The following CDH10 variants were observed in gnomAD, a reference collection of about 807,000 sequenced individuals.
CDH10 encodes the protein cadherin 10, also known as cadherin-10.
Under a neutral mutation model 73.1 loss-of-function variants are expected in CDH10, and 30 were observed. The observed-to-expected ratio is 0.41, with a 90% CI of 0.31 to 0.56. The LOEUF is 0.56. CDH10 is among the 20% of genes least tolerant of loss of function. The pLI is 0.27. For missense variants in CDH10, 815 were observed against 973.7 expected (o/e 0.84, Z 2.17); for synonymous variants, 345 against 348.2 (o/e 0.99, Z 0.10).
chr5:24,644,897 T>C lies in CDH10; in HGVS notation c.-427A>G, dbSNP rs890778769. 6.6e-6 allele frequency: 1 copy of C among 151,380 alleles called. No homozygotes were observed. The highest frequency in any genetic ancestry group is 1.5e-5 in the Non-Finnish European group (1 of 67,978). The allele number at this position is 151,380 out of a possible 1,614,324, so 9.4% of individuals were successfully genotyped here. ...CCTCACACGGAGAGAAAGGTTCTGC[T>C]GATAGAGCTGCAGCACTCGCCATGG... On this transcript the variant is annotated 5_prime_UTR_variant, in exon 1 of 12. Coordinates refer to ENST00000264463, the MANE Select transcript of CDH10 (RefSeq NM_006727.5).
intron 2 of CDH10, among the ~76,000 whole-genome samples, chr5:24,567,825 TTA>T (rs1312407683): frequency 1.3e-5 from 2 of 152,062 alleles, no homozygotes; most frequent in African/African-American, 4.8e-5. Flanking sequence ...ATAAGGACAT[TTA>T]GAGAGAAAAT....
In CDH10 at chr5:24,620,522, G is replaced by A. The variant is rs181973498; in HGVS notation, c.-124+24072C>T. 4.4e-3 allele frequency among the ~76,000 whole-genome samples: 671 copies of A among 152,258 alleles called. 2 individuals carry two copies. Among genetic ancestry groups the A allele is most frequent in the South Asian group, 9.3e-3 (45 of 4,818 alleles). On this transcript the variant is annotated intron_variant, in intron 1 of 11. Transcript: ENST00000264463. ...AAAATCTGGTTATTGAATAAAGAGAGATCTCTGAAAGTGAAAACAGACCTA... is the reference window on the plus strand; with the variant it reads ...AAAATCTGGTTATTGAATAAAGAGAAATCTCTGAAAGTGAAAACAGACCTA...
chr5:24,635,809 A>C (rs771044934), intron 1 of CDH10, among the ~76,000 whole-genome samples: 1 of 151,894 alleles, frequency 6.6e-6, no homozygotes, highest in Non-Finnish European at 1.5e-5. Flanking sequence ...TTCCAATTAT[A>C]ATAATAGATA....
At chr5:24,496,379 C>T (rs1302766750) in intron 9 of CDH10, among the ~76,000 whole-genome samples, 1 of 152,074 alleles carries the variant, frequency 6.6e-6, no homozygotes, top group Non-Finnish European at 1.5e-5. Context: ...AGCCCTCTGT[C>T]CTGTCTTTTG....
chr5:24,552,110 C>CA (rs1744567332), intron 2 of CDH10, among the ~76,000 whole-genome samples: 1 of 152,032 alleles, frequency 6.6e-6, no homozygotes, highest in African/African-American at 2.4e-5. Context: ...ATAAGTGCTT[C>CA]TTGGTCTCAA....
intron 1 of CDH10, among the ~76,000 whole-genome samples, chr5:24,628,815 T>TGCC (rs1747598186): frequency 6.7e-6 from 1 of 149,628 alleles, no homozygotes; most frequent in Non-Finnish European, 1.5e-5. Context: ...CTAGAACACT[T>TGCC]GCCGCCCCCC....
intron 1 of CDH10, among the ~76,000 whole-genome samples, chr5:24,607,446 A>G (rs180892352): frequency 3.9e-5 from 6 of 152,230 alleles, no homozygotes. Flanking sequence ...AAGGAAAGTT[A>G]AAAAAACCAC....
chr5:24,588,711 A>C (rs754155115), intron 2 of CDH10, among the ~76,000 whole-genome samples: 5 of 152,146 alleles, frequency 3.3e-5, no homozygotes, highest in African/African-American at 4.8e-5. Flanking sequence ...TCTGGGCTTT[A>C]TTGATATTTA....
chr5:24,593,527 G>C lies in CDH10; in HGVS notation c.-37C>G, dbSNP rs945365727. 5.1e-6 allele frequency: 6 copies of C among 1,181,662 alleles called. No homozygotes were observed. The African/African-American group carries it at 6.1e-5, about 12-fold the overall frequency. The allele number at this position is 1,181,662 out of a possible 1,614,324, so 73.2% of individuals were successfully genotyped here. The stretch of plus-strand genomic sequence containing the variant: ...TGACAAATCCCAGTGTAGATGAAGA[G>C]AAGTGGTCCTATTTTACCCAGTTGG... On this transcript the variant is annotated 5_prime_UTR_variant, in exon 2 of 12. Transcript: ENST00000264463.
intron 2 of CDH10, among the ~76,000 whole-genome samples, chr5:24,554,473 CGT>C (rs70965612): frequency 0.025 from 3,708 of 148,964 alleles, 90 homozygotes; most frequent in African/African-American, 0.05. Context: ...TCTCCCTATT[CGT>C]GTGTGTGTGT....
chr5:24,591,311 T>C (rs968865834), intron 2 of CDH10, among the ~76,000 whole-genome samples: 1 of 151,954 alleles, frequency 6.6e-6, no homozygotes, highest in African/African-American at 2.4e-5. Flanking sequence ...GATTGAAATG[T>C]GAGCTAAAAT....
At chr5:24,540,512 T>G (rs1561150450) in intron 2 of CDH10, among the ~76,000 whole-genome samples, 3 of 151,898 alleles carry the variant, frequency 2.0e-5, no homozygotes. Context: ...CTGTGGGAGT[T>G]TCTGTTGGAT....
chr5:24,620,386 T>C (rs1361423076), intron 1 of CDH10, among the ~76,000 whole-genome samples: 1 of 152,150 alleles, frequency 6.6e-6, no homozygotes, highest in African/African-American at 2.4e-5. Context: ...AAAAAATTAT[T>C]AAAAAGCAGT....
intron 2 of CDH10, among the ~76,000 whole-genome samples, chr5:24,549,159 C>T (rs1377456590): frequency 1.3e-5 from 2 of 151,990 alleles, no homozygotes; most frequent in African/African-American, 2.4e-5. Context: ...CTGAAAGATG[C>T]AGAAAACAAA....
At chr5:24,500,839 C>T (rs1462737107) in intron 8 of CDH10, among the ~76,000 whole-genome samples, 1 of 152,030 alleles carries the variant, frequency 6.6e-6, no homozygotes, top group East Asian at 1.9e-4. Flanking sequence ...AAGTATTCAC[C>T]TAATAAAAAT....
At chr5:24,615,655 TG>T (rs1747102170) in intron 1 of CDH10, among the ~76,000 whole-genome samples, 1 of 152,238 alleles carries the variant, frequency 6.6e-6, no homozygotes, top group Non-Finnish European at 1.5e-5. Context: ...CCTGAAGTGT[TG>T]GTGAATATAA....
intron 1 of CDH10, among the ~76,000 whole-genome samples, chr5:24,637,945 G>T (rs115513300): frequency 6.6e-6 from 1 of 151,640 alleles, no homozygotes; most frequent in Non-Finnish European, 1.5e-5. Flanking sequence ...CTAGAAACAG[G>T]CTTGATCTAG....
chr5:24,540,861 A>C (rs1381465805), intron 2 of CDH10, among the ~76,000 whole-genome samples: 1 of 152,112 alleles, frequency 6.6e-6, no homozygotes, highest in South Asian at 2.1e-4. Context: ...TTGAAAACAT[A>C]TTTGATACAT....
intron 2 of CDH10, among the ~76,000 whole-genome samples, chr5:24,566,321 T>C (rs1054730342): frequency 1.3e-5 from 2 of 152,130 alleles, no homozygotes; most frequent in African/African-American, 4.8e-5. Flanking sequence ...GTGCTGGGAG[T>C]ACAGGAGTGA....
Sources: gnomAD v4.1 joint callset for allele counts (sites outside exome capture counted in the v4.1 genomes callset) on GRCh38, gnomAD v4.1.1 for gene constraint, MANE v1.5 for transcripts, NCBI Gene and HGNC (gene_info 2026-07-23, HGNC 2026-07-21) for gene names.